The following SYNDIG1 variants were observed in gnomAD, a reference collection of about 807,000 sequenced individuals.
The protein encoded by SYNDIG1 is synapse differentiation-inducing gene protein 1.
Under a neutral mutation model 19.4 loss-of-function variants are expected in SYNDIG1, and 9 were observed. That is an observed-to-expected ratio of 0.46 (90% confidence interval 0.28 to 0.81). The LOEUF is 0.81. Among genes scored for constraint, SYNDIG1 ranks in the 30% least tolerant of loss-of-function variants. The pLI, the probability that SYNDIG1 is intolerant of heterozygous loss-of-function variation, is 0.12. For missense variants in SYNDIG1, 311 were observed against 343.3 expected, an observed-to-expected ratio of 0.91 and a Z score of 0.74; for synonymous variants, 141 against 145.9, an observed-to-expected ratio of 0.97 and a Z score of 0.24.
rs114676950 is a variant in SYNDIG1, at chr20:24,662,132, G to A, written c.619-3214G>A. The stretch of plus-strand genomic sequence containing the variant: ...AGGAGGTGTGACCCAGCGGTGGTAC[G>A]AGGTGGCTGGACCTCAGTTCTAACG... On this transcript the variant is annotated intron_variant, in intron 3 of 3. Coordinates refer to ENST00000376862, the MANE Select transcript of SYNDIG1 (RefSeq NM_024893.3). Among the ~76,000 whole-genome samples, 568 of 151,876 alleles carry A rather than the reference G, an allele frequency of 3.7e-3. 5 individuals are homozygous for A. Among genetic ancestry groups the A allele is most frequent in the African/African-American group, 0.013 (553 of 41,402 alleles).
At chr20:24,591,287 A>G (rs2058508483) in intron 3 of SYNDIG1, among the ~76,000 whole-genome samples, 1 of 152,028 alleles carries the variant, frequency 6.6e-6, no homozygotes, top group South Asian at 2.1e-4. Flanking sequence ...ACAGCTAGTC[A>G]TGAGGCTGAG....
chr20:24,581,521 G>A (rs535415762), intron 2 of SYNDIG1, among the ~76,000 whole-genome samples: 32 of 152,080 alleles, frequency 2.1e-4, no homozygotes, highest in African/African-American at 7.2e-4. Flanking sequence ...TGGACCTCCC[G>A]AGCATCTCCT....
At chr20:24,616,803 G>A (rs1330399117) in intron 3 of SYNDIG1, among the ~76,000 whole-genome samples, 1 of 152,218 alleles carries the variant, frequency 6.6e-6, no homozygotes, top group Non-Finnish European at 1.5e-5. Flanking sequence ...ATGCCCGGCT[G>A]CTCCTCATAA....
At chr20:24,549,705 C>T (rs980610997) in intron 2 of SYNDIG1, among the ~76,000 whole-genome samples, 3 of 152,188 alleles carry the variant, frequency 2.0e-5, no homozygotes, top group African/African-American at 7.2e-5. Flanking sequence ...GGACAGAGGG[C>T]TGGATCCAGA....
At chr20:24,649,742 T>C (rs901358714) in intron 3 of SYNDIG1, among the ~76,000 whole-genome samples, 22 of 152,174 alleles carry the variant, frequency 1.4e-4, no homozygotes, top group African/African-American at 4.3e-4. Context: ...TGAAAGTGAA[T>C]TACCCATGGA....
chr20:24,626,019 G>T (rs1289895735), intron 3 of SYNDIG1, among the ~76,000 whole-genome samples: 1 of 148,792 alleles, frequency 6.7e-6, no homozygotes, highest in Non-Finnish European at 1.5e-5. Flanking sequence ...CCTCCCGGAC[G>T]GGGTGGCTGG....
chr20:24,548,173 A>G (rs997419914), intron 2 of SYNDIG1, among the ~76,000 whole-genome samples: 14 of 152,210 alleles, frequency 9.2e-5, no homozygotes, highest in African/African-American at 3.4e-4. Flanking sequence ...TGTTTCCAAG[A>G]TCACACACGT....
chr20:24,473,704 C>G (rs1417355657), intron 1 of SYNDIG1, among the ~76,000 whole-genome samples: 1 of 152,158 alleles, frequency 6.6e-6, no homozygotes, highest in East Asian at 1.9e-4. Flanking sequence ...GTGCCATGAG[C>G]AGACATAGGC....
chr20:24,498,350 A>G (rs536253491), intron 1 of SYNDIG1, among the ~76,000 whole-genome samples: 2 of 152,348 alleles, frequency 1.3e-5, no homozygotes, highest in Non-Finnish European at 2.9e-5. Flanking sequence ...TAGCAAAATT[A>G]TAAGTGTATA....
At chr20:24,555,839 A>T (rs986767877) in intron 2 of SYNDIG1, among the ~76,000 whole-genome samples, 16 of 152,192 alleles carry the variant, frequency 1.1e-4, no homozygotes, top group Non-Finnish European at 1.5e-4. Context: ...TGCAGAGCTG[A>T]GTTCAATTCC....
rs116288135 is a variant in SYNDIG1 at position 24,572,650 on chromosome 20, G to A, written c.481-12206G>A. Among the ~76,000 whole-genome samples the A allele has an allele frequency of 2.4e-3, 373 of 152,280 alleles. 1 individual carries two copies. Among genetic ancestry groups the A allele is most frequent in the African/African-American group, 8.7e-3 (362 of 41,548 alleles). On this transcript the variant is annotated intron_variant, in intron 2 of 3. Transcript: ENST00000376862. ...GGGCAGGATATGGGGAGTAGAGATG[G>A]CCACTGGCCTCTTAAAGGAAGAGAT...
At chr20:24,604,640 C>T (rs748268371) in intron 3 of SYNDIG1, among the ~76,000 whole-genome samples, 4 of 152,192 alleles carry the variant, frequency 2.6e-5, no homozygotes, top group Non-Finnish European at 5.9e-5. Context: ...ATGAAAAATC[C>T]GCCCTTTGTT....
chr20:24,495,216 G>T (rs534297105), intron 1 of SYNDIG1, among the ~76,000 whole-genome samples: 3 of 152,328 alleles, frequency 2.0e-5, no homozygotes, highest in African/African-American at 7.2e-5. Context: ...AGAAGGGAGG[G>T]TGGATTTCTT....
rs1157577046 is a variant in SYNDIG1, at chr20:24,510,615, C to G, written c.-78-32405C>G. Among the ~76,000 whole-genome samples the G allele has an allele frequency of 2.7e-5, 4 of 150,318 alleles. No homozygotes were observed. In the South Asian group the frequency reaches 8.4e-4, roughly 32 times the overall value. Reference sequence around the variant, plus strand: ...AGAAATATTTTTCTCTGTTTGAGATCATATTTTTGTCTTTTGTATTGTATA... The same window carrying G: ...AGAAATATTTTTCTCTGTTTGAGATGATATTTTTGTCTTTTGTATTGTATA... On this transcript the variant is annotated intron_variant, in intron 1 of 3. Transcript: ENST00000376862.
intron 1 of SYNDIG1, among the ~76,000 whole-genome samples, chr20:24,521,470 C>T (rs2057001407): frequency 6.6e-6 from 1 of 152,184 alleles, no homozygotes; most frequent in Admixed American, 6.5e-5. Context: ...ACCGTCTTGT[C>T]TTCCACCGTG....
chr20:24,645,307 T>G (rs2059412807), intron 3 of SYNDIG1, among the ~76,000 whole-genome samples: 1 of 152,206 alleles, frequency 6.6e-6, no homozygotes, highest in Non-Finnish European at 1.5e-5. Context: ...GGGAAGCATC[T>G]GCACCCAGTT....
At chr20:24,483,369 A>T (rs144892729) in intron 1 of SYNDIG1, among the ~76,000 whole-genome samples, 195 of 152,228 alleles carry the variant, frequency 1.3e-3, no homozygotes, top group African/African-American at 4.5e-3. Flanking sequence ...TTTCAACTTG[A>T]TCCTTGATTA....
In SYNDIG1 at chr20:24,665,499, C is replaced by T. The variant is rs932274311; in HGVS notation, c.772C>T (p.Leu258=). 3.7e-6 allele frequency: 6 copies of T among 1,613,938 alleles called. No homozygotes were observed. The highest frequency in any genetic ancestry group is 5.1e-6 in the Non-Finnish European group (6 of 1,179,946). ...LIAYLSKNNH[L] is the part of the protein sequence containing the mutation. ...CGCCTACCTCTCCAAGAACAACCAC[C>T]TGTGAGCTTCCTGCGAATGGAGGGG... The change falls in exon 4 of 4, where the codon CTG becomes TTG. Residue 258 remains leucine (L), a synonymous_variant. Transcript: ENST00000376862.
intron 3 of SYNDIG1, among the ~76,000 whole-genome samples, chr20:24,608,856 TAAAGC>T (rs1202487213): frequency 6.6e-6 from 1 of 152,174 alleles, no homozygotes; most frequent in Non-Finnish European, 1.5e-5. Context: ...ATTCTAGAAT[TAAAGC>T]TAAGATTAGA....
Sources: gnomAD v4.1 joint callset for allele counts (sites outside exome capture counted in the v4.1 genomes callset) on GRCh38, gnomAD v4.1.1 for gene constraint, MANE v1.5 for transcripts, NCBI Gene and HGNC (gene_info 2026-07-23, HGNC 2026-07-21) for gene names.